HECW2: variants seen among roughly 807,000 people sequenced by gnomAD.
HECW2 encodes E3 ubiquitin-protein ligase HECW2.
A neutral mutation model predicts 175.2 loss-of-function variants in HECW2; 61 were observed. The observed-to-expected ratio is 0.35, with a 90% CI of 0.28 to 0.43. HECW2 has a LOEUF of 0.43. Among genes scored for constraint, HECW2 ranks in the 20% least tolerant of loss-of-function variants. HECW2 has a pLI of 1.00. For synonymous variants in HECW2, 671 were observed against 731.0 expected, an observed-to-expected ratio of 0.92 and a Z score of 1.32; for missense variants, 1,524 against 2,000.5, an observed-to-expected ratio of 0.76 and a Z score of 4.54.
intron 1 of HECW2, among the ~76,000 whole-genome samples, chr2:196,485,355 T>C (rs1161048935): frequency 2.6e-5 from 4 of 152,198 alleles, no homozygotes; most frequent in African/African-American, 9.7e-5. Flanking sequence ...GTTTTACTGC[T>C]ATAACAAAAT....
At chr2:196,235,732 T>C (rs909211430) in intron 21 of HECW2, among the ~76,000 whole-genome samples, 4 of 139,616 alleles carry the variant, frequency 2.9e-5, no homozygotes, top group African/African-American at 1.1e-4. Context: ...CTCGGCTCAC[T>C]GCAAGCTCCG....
At chr2:196,576,152 G>A (rs1050259549) in intron 1 of HECW2, among the ~76,000 whole-genome samples, 1 of 150,492 alleles carries the variant, frequency 6.6e-6, no homozygotes, top group African/African-American at 2.4e-5. Context: ...ATTGTCTACA[G>A]TATTCAGTAC....
At chr2:196,279,825 C>G (rs1183986954) in intron 14 of HECW2, among the ~76,000 whole-genome samples, 1 of 152,212 alleles carries the variant, frequency 6.6e-6, no homozygotes, top group Non-Finnish European at 1.5e-5. Flanking sequence ...ATGTCTCCTT[C>G]ATTCCTGACA....
rs115746014 is a variant in HECW2, at chr2:196,258,697, T to C, written c.3336-791A>G. Reference sequence around the variant, plus strand: ...TTTTCCTAGTTGCTTTCTTCCCTTATTTACATCATGCTATTTCAAAGCACA... The same window carrying C: ...TTTTCCTAGTTGCTTTCTTCCCTTACTTACATCATGCTATTTCAAAGCACA... On this transcript the variant is annotated intron_variant, in intron 17 of 28. Coordinates refer to ENST00000644978, the MANE Select transcript of HECW2 (RefSeq NM_001348768.2). Among the ~76,000 whole-genome samples the C allele has an allele frequency of 5.1e-3, 784 of 152,304 alleles. 2 individuals are homozygous for C. The highest frequency in any genetic ancestry group is 9.1e-3 in the Non-Finnish European group (620 of 68,026).
intron 13 of HECW2, among the ~76,000 whole-genome samples, chr2:196,296,572 T>A (rs1690823809): frequency 6.6e-6 from 1 of 152,220 alleles, no homozygotes; most frequent in Non-Finnish European, 1.5e-5. Flanking sequence ...AAGGGTCTCC[T>A]AAGCTTCATT....
intron 2 of HECW2, among the ~76,000 whole-genome samples, chr2:196,427,938 G>T (rs78795806): frequency 0.011 from 1,606 of 152,272 alleles, 25 homozygotes; most frequent in African/African-American, 0.037. Flanking sequence ...GCCTAAAAAT[G>T]CCTAAAGAAG....
At chr2:196,266,647 A>C (rs1413111161) in intron 17 of HECW2, among the ~76,000 whole-genome samples, 1 of 152,202 alleles carries the variant, frequency 6.6e-6, no homozygotes, top group Non-Finnish European at 1.5e-5. Context: ...CCAGTCTAAT[A>C]TTATATGCAG....
intron 1 of HECW2, among the ~76,000 whole-genome samples, chr2:196,451,133 A>T (rs1169910631): frequency 6.6e-6 from 1 of 152,140 alleles, no homozygotes; most frequent in Non-Finnish European, 1.5e-5. Context: ...AAAGGAAAGC[A>T]AGCTTAAGAA....
intron 21 of HECW2, among the ~76,000 whole-genome samples, chr2:196,232,577 A>G (rs1162682658): frequency 6.6e-6 from 1 of 152,242 alleles, no homozygotes; most frequent in Non-Finnish European, 1.5e-5. Context: ...TATTGATTCA[A>G]TGACATGAAC....
At chr2:196,293,893 G>A (rs1008421453) in intron 13 of HECW2, among the ~76,000 whole-genome samples, 5 of 152,196 alleles carry the variant, frequency 3.3e-5, no homozygotes, top group African/African-American at 1.2e-4. Flanking sequence ...GGAATGAGTT[G>A]CTCTCACTGA....
chr2:196,287,010 CTG>C (rs1414517127), intron 14 of HECW2, among the ~76,000 whole-genome samples: 2 of 152,212 alleles, frequency 1.3e-5, no homozygotes, highest in Non-Finnish European at 2.9e-5. Context: ...ACTGAAACAA[CTG>C]TAGCCACACA....
intron 28 of HECW2, among the ~76,000 whole-genome samples, chr2:196,206,183 T>C (rs889449434): frequency 6.6e-6 from 1 of 152,228 alleles, no homozygotes; most frequent in Non-Finnish European, 1.5e-5. Context: ...TTTCAAATCT[T>C]TCAAAGCCAG....
chr2:196,458,436 TCACACACA>T (rs34752264), intron 1 of HECW2, among the ~76,000 whole-genome samples: 1 of 146,824 alleles, frequency 6.8e-6, no homozygotes, highest in South Asian at 2.2e-4. Context: ...TCTCACTCAC[TCACACACA>T]CACACACACA....
intron 1 of HECW2, among the ~76,000 whole-genome samples, chr2:196,480,891 T>C (rs1686820564): frequency 6.6e-6 from 1 of 152,232 alleles, no homozygotes; most frequent in Non-Finnish European, 1.5e-5. Context: ...ATGAGACACA[T>C]GTAGATAGAC....
chr2:196,408,451 T>G (rs969587892), intron 2 of HECW2, among the ~76,000 whole-genome samples: 2 of 152,234 alleles, frequency 1.3e-5, no homozygotes, highest in African/African-American at 4.8e-5. Context: ...TAAGTGGTCA[T>G]GATTTTTATG....
chr2:196,487,147 TAAAAA>T (rs375017365), intron 1 of HECW2, among the ~76,000 whole-genome samples: 1 of 123,874 alleles, frequency 8.1e-6, no homozygotes, highest in Admixed American at 8.4e-5. Context: ...AGACTCTGCC[TAAAAA>T]AAAAAAAAAA....
At chr2:196,368,092 G>C (rs1409732500) in intron 2 of HECW2, among the ~76,000 whole-genome samples, 1 of 152,098 alleles carries the variant, frequency 6.6e-6, no homozygotes, top group Non-Finnish European at 1.5e-5. Context: ...AAACAGTGCA[G>C]ATATCTCTTC....
At chr2:196,245,164 G>A (rs1461676666) in intron 19 of HECW2, among the ~76,000 whole-genome samples, 1 of 152,186 alleles carries the variant, frequency 6.6e-6, no homozygotes, top group African/African-American at 2.4e-5. Context: ...TGGGAAGCAT[G>A]ATGATAATAT....
At chr2:196,259,290 A>G (rs565238790) in intron 17 of HECW2, among the ~76,000 whole-genome samples, 1 of 152,262 alleles carries the variant, frequency 6.6e-6, no homozygotes, top group Admixed American at 6.5e-5. Flanking sequence ...ACTGATTTTT[A>G]TATTCCCAAA....
Sources: allele counts gnomAD v4.1 joint callset (sites outside exome capture counted in the v4.1 genomes callset), GRCh38; gene constraint gnomAD v4.1.1; transcripts MANE v1.5; gene names NCBI Gene and HGNC (gene_info 2026-07-23, HGNC 2026-07-21).